MDH1: variants seen among roughly 807,000 people sequenced by gnomAD.
The protein encoded by MDH1 is malate dehydrogenase 1.
MDH1 carries 15 observed loss-of-function variants against 38.7 expected under a neutral mutation model. The ratio of observed to expected loss-of-function variants is 0.39; its 90% confidence interval spans 0.26 to 0.60. MDH1 has a LOEUF of 0.60. Among genes scored for constraint, MDH1 ranks in the 20% least tolerant of loss-of-function variants. The pLI is 0.56. For synonymous variants in MDH1, 144 were observed against 143.6 expected (o/e 1.00, Z -0.02); for missense variants, 368 against 405.2 (o/e 0.91, Z 0.79).
intron 6 of MDH1, 102 bp downstream of exon 6, chr2:63,604,974 C>T: frequency 8.8e-7 from 1 of 1,130,692 alleles, no homozygotes; most frequent in Non-Finnish European, 1.3e-6. Flanking sequence ...CACAGTTGCT[C>T]TGATGACTGC....
chr2:63,594,259 A>T (rs754276628), intron 1 of MDH1: 2 of 622,816 alleles, frequency 3.2e-6, no homozygotes, highest in South Asian at 2.8e-5. Context: ...GGTGGATAAG[A>T]TTATGTAAGT....
chr2:63,600,158 C>T (rs1413623528), intron 5 of MDH1: 1 of 152,200 alleles, frequency 6.6e-6, no homozygotes, highest in East Asian at 1.9e-4. Flanking sequence ...TAAGCTGAAG[C>T]ACTACTGCCC....
chr2:63,604,869 C>A lies in MDH1; in HGVS notation c.672C>A (p.Val224=). The change falls in exon 6 of 9, where the codon GTC becomes GTA. Residue 224 remains valine (V), a synonymous_variant. Coordinates refer to ENST00000233114, the MANE Select transcript of MDH1 (RefSeq NM_005917.4). ...KDDSWLKGEF[V]TTVQQRGAAV... The stretch of plus-strand genomic sequence containing the variant: ...ACAGCTGGCTCAAGGGAGAATTTGT[C>A]ACGGTAAGAAAAATCTGTGAGCCTT... 6.2e-7 allele frequency: 1 copy of A among 1,613,924 alleles called. No homozygotes were observed. Among genetic ancestry groups the A allele is most frequent in the South Asian group, 1.1e-5 (1 of 91,014 alleles).
intron 8 of MDH1, 114 bp from the exon 9 acceptor site, chr2:63,606,748 C>A: frequency 1.1e-5 from 6 of 570,892 alleles, no homozygotes; most frequent in South Asian, 5.1e-5. Flanking sequence ...TTTTTATTTA[C>A]TTTAGAATCA....
At chr2:63,600,045 C>T (rs1453932427) in intron 5 of MDH1, 4 of 152,160 alleles carry the variant, frequency 2.6e-5, no homozygotes, top group African/African-American at 9.7e-5. Flanking sequence ...GTCTGTAGGT[C>T]ATCACTGCTA....
chr2:63,597,449 G>A lies in MDH1; in HGVS notation c.250G>A (p.Ala84Thr). 1 of 1,498,864 alleles carries A rather than the reference G, an allele frequency of 6.7e-7. No homozygotes were observed. 92.8% of individuals were successfully genotyped at this position (1,498,864 alleles called of 1,614,324 possible). The part of the protein sequence containing the change: ...EDVAFKDLDV[A>T]ILVGSMPRRE... ...CGTTGCCTTCAAAGACCTGGATGTG[G>A]CCATTCTTGTGGGCTCCATGCCAAG... Residue 84 changes from alanine to threonine, a missense_variant, in exon 4 of 9, where the codon GCC becomes ACC. By Grantham distance (58) the Ala-to-Thr change is moderately conservative. Transcript: ENST00000233114.
At chr2:63,600,033 T>C (rs983271528) in intron 5 of MDH1, 2 of 152,276 alleles carry the variant, frequency 1.3e-5, no homozygotes, top group Non-Finnish European at 2.9e-5. Flanking sequence ...CCATCCCTTC[T>C]TGTCTGTAGG....
chr2:63,597,579 C>T lies in MDH1; in HGVS notation c.375+5C>T, dbSNP rs959981317. 1.5e-6 allele frequency: 2 copies of T among 1,378,176 alleles called. No homozygotes were observed. Among genetic ancestry groups the T allele is most frequent in the Non-Finnish European group, 1.9e-6 (2 of 1,053,708 alleles). 85.4% of individuals were successfully genotyped at this position (1,378,176 alleles called of 1,614,324 possible). On this transcript the variant is annotated splice_donor_5th_base_variant and intron_variant, in intron 4 of 8. Coordinates refer to ENST00000233114, the MANE Select transcript of MDH1 (RefSeq NM_005917.4). ...TACGCCAAGAAGTCAGTTAAGGTGA[C>T]CAATGCTGTATTTTATGGGATTTTT...
At chr2:63,603,251 T>C (rs915309385) in intron 5 of MDH1, among the ~76,000 whole-genome samples, 30 of 152,082 alleles carry the variant, frequency 2.0e-4, no homozygotes, top group Non-Finnish European at 3.8e-4. Flanking sequence ...CCACCGCGCC[T>C]GGCATATTTA....
At chr2:63,601,840 G>A (rs1482875328) in intron 5 of MDH1, among the ~76,000 whole-genome samples, 1 of 152,172 alleles carries the variant, frequency 6.6e-6, no homozygotes, top group African/African-American at 2.4e-5. Context: ...TATATATCTT[G>A]AGTTAATTGT....
intron 5 of MDH1, among the ~76,000 whole-genome samples, chr2:63,603,886 A>G (rs1242618826): frequency 6.6e-6 from 1 of 152,110 alleles, no homozygotes; most frequent in Non-Finnish European, 1.5e-5. Flanking sequence ...CGAACTGTCA[A>G]CCTCAGGTGA....
At chr2:63,595,949 T>G (rs1010079652) in intron 3 of MDH1, among the ~76,000 whole-genome samples, 2 of 152,172 alleles carry the variant, frequency 1.3e-5, no homozygotes, top group Admixed American at 1.3e-4. Flanking sequence ...AGCTATACAT[T>G]GCTCTGGAAG....
intron 3 of MDH1, 188 bp from the exon 4 acceptor site, chr2:63,597,211 A>T: frequency 1.1e-6 from 1 of 879,280 alleles, no homozygotes; most frequent in Non-Finnish European, 1.4e-6. Flanking sequence ...AAATAAATCT[A>T]TTGACATTTC....
intron 3 of MDH1, among the ~76,000 whole-genome samples, chr2:63,596,842 G>GA (rs1279545313): frequency 6.6e-6 from 1 of 152,176 alleles, no homozygotes; most frequent in African/African-American, 2.4e-5. Context: ...ACCTAGGCTG[G>GA]AATTACAGCT....
chr2:63,595,185 A>C (rs532278585), intron 2 of MDH1, among the ~76,000 whole-genome samples: 1 of 152,330 alleles, frequency 6.6e-6, no homozygotes, highest in African/African-American at 2.4e-5. Context: ...TATACTGTTA[A>C]AATTGAGTAG....
chr2:63,599,193 C>G lies in MDH1; in HGVS notation c.399C>G (p.Ala133=). 1 of 1,613,700 alleles carries G rather than the reference C, an allele frequency of 6.2e-7. No homozygotes were observed. The highest frequency in any genetic ancestry group is 1.1e-5 in the South Asian group (1 of 91,054). ...SVKVIVVGNP[A]NTNCLTASKS... ...AGGTTATTGTTGTGGGTAATCCAGC[C>G]AATACCAACTGCCTGACTGCTTCCA... The change falls in exon 5 of 9, where the codon GCC becomes GCG. Residue 133 remains alanine (A), a synonymous_variant. Coordinates refer to ENST00000233114, the MANE Select transcript of MDH1 (RefSeq NM_005917.4).
chr2:63,592,215 T>C (rs191531026), intron 1 of MDH1, among the ~76,000 whole-genome samples: 41 of 152,330 alleles, frequency 2.7e-4, no homozygotes, highest in African/African-American at 9.9e-4. Context: ...AGTTCATCAG[T>C]GGATTTATAA....
chr2:63,604,907 C>G, intron 6 of MDH1, 35 bp downstream of exon 6: 1 of 1,603,414 alleles, frequency 6.2e-7, no homozygotes, highest in Non-Finnish European at 8.5e-7. Flanking sequence ...TAACACTGAG[C>G]GTAAAGAACT....
At chr2:63,606,794 A>G (rs1709539187) in intron 8 of MDH1, 68 bp from the exon 9 acceptor site, 14 of 1,287,428 alleles carry the variant, frequency 1.1e-5, no homozygotes, top group Non-Finnish European at 1.5e-5. Context: ...TATAAGTTCA[A>G]ACAAGGTTGT....
Sources: gnomAD v4.1 joint callset for allele counts (sites outside exome capture counted in the v4.1 genomes callset) on GRCh38, gnomAD v4.1.1 for gene constraint, MANE v1.5 for transcripts, NCBI Gene and HGNC (gene_info 2026-07-23, HGNC 2026-07-21) for gene names.